SLC35F1: variants seen among roughly 807,000 people sequenced by gnomAD.
SLC35F1 encodes the protein chromosome 6 open reading frame 169.
SLC35F1 carries 14 observed loss-of-function variants against 48.7 expected under a neutral mutation model. The observed-to-expected ratio is 0.29, with a 90% CI of 0.19 to 0.45. The LOEUF is 0.45. Ranked by LOEUF, SLC35F1 falls within the 20% of genes least tolerant of loss-of-function variation. SLC35F1 has a pLI of 1.00. For synonymous variants in SLC35F1, 190 were observed against 202.2 expected, an observed-to-expected ratio of 0.94 and a Z score of 0.51; for missense variants, 404 against 500.0, an observed-to-expected ratio of 0.81 and a Z score of 1.83.
At chr6:118,135,164 G>T (rs1197516387) in intron 1 of SLC35F1, among the ~76,000 whole-genome samples, 1 of 152,146 alleles carries the variant, frequency 6.6e-6, no homozygotes. Flanking sequence ...CCGATCTTTA[G>T]TGTACAAGTA....
At chr6:117,990,067 G>C (rs1270272324) in intron 1 of SLC35F1, among the ~76,000 whole-genome samples, 1 of 152,006 alleles carries the variant, frequency 6.6e-6, no homozygotes, top group Non-Finnish European at 1.5e-5. Context: ...ATTCCAAATG[G>C]CACCTGAGAG....
At chr6:118,263,214 G>T (rs1775734002) in intron 3 of SLC35F1, among the ~76,000 whole-genome samples, 1 of 152,124 alleles carries the variant, frequency 6.6e-6, no homozygotes, top group Non-Finnish European at 1.5e-5. Context: ...GCGCCATCAT[G>T]CCTGGCTAAT....
At chr6:118,051,496 AG>A (rs1331985573) in intron 1 of SLC35F1, among the ~76,000 whole-genome samples, 20 of 152,236 alleles carry the variant, frequency 1.3e-4, no homozygotes, top group African/African-American at 4.3e-4. Flanking sequence ...TATAGTTAGA[AG>A]AAAAATACAT....
At chr6:117,924,943 G>C (rs1024766527) in intron 1 of SLC35F1, among the ~76,000 whole-genome samples, 3 of 152,120 alleles carry the variant, frequency 2.0e-5, no homozygotes, top group Non-Finnish European at 4.4e-5. Context: ...AAGATGATTA[G>C]CTTGAAGAGA....
At chr6:118,122,090 AG>A in intron 1 of SLC35F1, among the ~76,000 whole-genome samples, 1 of 152,168 alleles carries the variant, frequency 6.6e-6, no homozygotes, top group East Asian at 1.9e-4. Flanking sequence ...GTGCAATTAA[AG>A]GGCTGTTGAT....
chr6:117,913,819 G>A (rs566913007), intron 1 of SLC35F1, among the ~76,000 whole-genome samples: 19 of 152,300 alleles, frequency 1.2e-4, no homozygotes, highest in Non-Finnish European at 1.9e-4. Flanking sequence ...GGGAGGCCAA[G>A]GTGGGAGGGT....
Position 118,069,539 on chromosome 6 carries a change from A to G in SLC35F1, c.174-84906A>G, listed in dbSNP as rs73525662. Among the ~76,000 whole-genome samples, 541 of 152,218 alleles carry G rather than the reference A, an allele frequency of 3.6e-3. 4 individuals are homozygous for G. The highest frequency in any genetic ancestry group is 0.013 in the African/African-American group (521 of 41,536). The stretch of plus-strand genomic sequence containing the variant: ...AAAGTTCCCTAGGCTGGTAAGAGTT[A>G]TTTTCTCAAAGCTCTTGCTTACCAC... On this transcript the variant is annotated intron_variant, in intron 1 of 7. Coordinates refer to ENST00000360388, the MANE Select transcript of SLC35F1 (RefSeq NM_001029858.4).
At chr6:118,060,488 A>G (rs928246066) in intron 1 of SLC35F1, among the ~76,000 whole-genome samples, 3 of 152,234 alleles carry the variant, frequency 2.0e-5, no homozygotes, top group Middle Eastern at 3.4e-3. Context: ...CACTACACAA[A>G]GGATACCCAC....
intron 1 of SLC35F1, among the ~76,000 whole-genome samples, chr6:117,981,249 G>A (rs1015107412): frequency 2.0e-5 from 3 of 152,148 alleles, no homozygotes; most frequent in Non-Finnish European, 4.4e-5. Flanking sequence ...GGAGAGAGAT[G>A]GTGCTGGAGT....
At chr6:118,101,236 TAGAGAGCTCTGCATGGTGG>T (rs1417568195) in intron 1 of SLC35F1, among the ~76,000 whole-genome samples, 1 of 152,142 alleles carries the variant, frequency 6.6e-6, no homozygotes, top group East Asian at 1.9e-4. Context: ...AGGAGGAAGC[TAGAGAGCTCTGCATGGTGG>T]AGGCTGCTGG....
rs966431239 is a variant in SLC35F1, at chr6:118,316,774, C to A, written c.*2522C>A. The A allele has an allele frequency of 1.3e-5, 2 of 152,116 alleles. No individual in the cohort carries two copies. Among genetic ancestry groups the A allele is most frequent in the Non-Finnish European group, 1.5e-5 (1 of 68,028 alleles). The allele number at this position is 152,116 out of a possible 1,614,324, so 9.4% of individuals were successfully genotyped here. A position where few individuals can be genotyped will look rare whatever the true frequency, so the allele number is the denominator to read the frequency against. On this transcript the variant is annotated 3_prime_UTR_variant, in exon 8 of 8. Coordinates refer to ENST00000360388, the MANE Select transcript of SLC35F1 (RefSeq NM_001029858.4). ...AGTGTGAATGTTAAGATGAATTTGC[C>A]GTATACCCTTTATCATTCGGTGTCC...
chr6:118,036,530 ATAGTGT>A (rs1772134062), intron 1 of SLC35F1, among the ~76,000 whole-genome samples: 1 of 152,266 alleles, frequency 6.6e-6, no homozygotes, highest in East Asian at 1.9e-4. Flanking sequence ...AAGTTGGTTG[ATAGTGT>A]TCTTCAGAAC....
At chr6:118,159,745 A>C (rs1018530238) in intron 2 of SLC35F1, among the ~76,000 whole-genome samples, 1 of 152,204 alleles carries the variant, frequency 6.6e-6, no homozygotes, top group African/African-American at 2.4e-5. Context: ...TGAAACTAGG[A>C]TACAGTTCCT....
At chr6:118,303,716 T>C (rs1216382423) in intron 7 of SLC35F1, among the ~76,000 whole-genome samples, 1 of 152,240 alleles carries the variant, frequency 6.6e-6, no homozygotes, top group Non-Finnish European at 1.5e-5. Context: ...TTTAGAGTTG[T>C]TACTCATTAT....
chr6:118,011,121 C>T (rs4120871), intron 1 of SLC35F1, among the ~76,000 whole-genome samples: 92,702 of 151,942 alleles, frequency 0.61, 28,754 homozygotes, highest in East Asian at 0.79. Context: ...AGTTTTTCCA[C>T]GGATGGTGGG....
chr6:117,979,032 C>T (rs894425708), intron 1 of SLC35F1, among the ~76,000 whole-genome samples: 5 of 152,288 alleles, frequency 3.3e-5, no homozygotes, highest in Non-Finnish European at 5.9e-5. Flanking sequence ...ACCTGTTCCC[C>T]GCATGCCTAG....
At chr6:118,081,678 G>A (rs1013782238) in intron 1 of SLC35F1, among the ~76,000 whole-genome samples, 3 of 152,122 alleles carry the variant, frequency 2.0e-5, no homozygotes, top group African/African-American at 7.2e-5. Flanking sequence ...AACCTCATCT[G>A]TTCTTTTTCT....
chr6:117,990,092 G>A (rs888788223), intron 1 of SLC35F1, among the ~76,000 whole-genome samples: 4 of 151,926 alleles, frequency 2.6e-5, no homozygotes, highest in Admixed American at 6.6e-5. Context: ...TATTTCCCTT[G>A]GTTAAAAGTT....
At chr6:118,003,769 T>C (rs1248783906) in intron 1 of SLC35F1, among the ~76,000 whole-genome samples, 1 of 152,124 alleles carries the variant, frequency 6.6e-6, no homozygotes, top group Admixed American at 6.5e-5. Context: ...AAGAGAGCAC[T>C]CAAAATTATA....
Sources: allele counts gnomAD v4.1 joint callset (sites outside exome capture counted in the v4.1 genomes callset), GRCh38; gene constraint gnomAD v4.1.1; transcripts MANE v1.5; gene names NCBI Gene and HGNC (gene_info 2026-07-23, HGNC 2026-07-21).